MTSS1: variants seen among roughly 807,000 people sequenced by gnomAD.
MTSS1 encodes MTSS I-BAR domain containing 1.
Under a neutral mutation model 79.0 loss-of-function variants are expected in MTSS1, and 18 were observed. The ratio of observed to expected loss-of-function variants is 0.23; its 90% confidence interval spans 0.16 to 0.34. MTSS1 has a LOEUF of 0.34. MTSS1 is among the 10% of genes least tolerant of loss of function. MTSS1 has a pLI of 1.00. For synonymous variants in MTSS1, 341 were observed against 368.6 expected (o/e 0.93, Z 0.86); for missense variants, 815 against 986.2 (o/e 0.83, Z 2.33).
intron 3 of MTSS1, among the ~76,000 whole-genome samples, chr8:124,637,472 A>G (rs1817224565): frequency 6.6e-6 from 1 of 152,206 alleles, no homozygotes; most frequent in South Asian, 2.1e-4. Context: ...GGAAAGGGGA[A>G]GCCAGACCCA....
intron 5 of MTSS1, among the ~76,000 whole-genome samples, chr8:124,586,830 T>C (rs17372817): frequency 0.12 from 17,788 of 151,938 alleles, 1,162 homozygotes; most frequent in South Asian, 0.13. Flanking sequence ...AAGAAGAAAA[T>C]TGAGACGTGC....
intron 6 of MTSS1, chr8:124,580,040 T>C (rs918867020): frequency 1.3e-5 from 2 of 152,488 alleles, no homozygotes; most frequent in Admixed American, 1.3e-4. Context: ...ATACTTTTGA[T>C]TTATTTTTTA....
chr8:124,556,023 G>C (rs1456242716), intron 12 of MTSS1, 119 bp from the exon 13 acceptor site: 1 of 1,544,644 alleles, frequency 6.5e-7, no homozygotes, highest in East Asian at 2.4e-5. Context: ...GACTTGCTTG[G>C]GTCCCACTCT....
chr8:124,664,319 C>G lies in MTSS1; in HGVS notation c.208+35207G>C, dbSNP rs1415300202. Among the ~76,000 whole-genome samples the G allele has an allele frequency of 2.6e-5, 4 of 152,288 alleles. No homozygotes were observed. In the East Asian group the frequency reaches 5.8e-4, roughly 22 times the overall value. On this transcript the variant is annotated intron_variant, in intron 3 of 13. Coordinates refer to ENST00000518547, the MANE Select transcript of MTSS1 (RefSeq NM_014751.6). ...CACAGGCGTGGCTATCTCCTTCCAG[C>G]GAGGCCCGTCTCTAGATAAATGCTC... is the stretch of plus-strand genomic sequence containing the variant.
In MTSS1 at chr8:124,616,196, C is replaced by T. The variant is rs868569158; in HGVS notation, c.209-24961G>A. On this transcript the variant is annotated intron_variant, in intron 3 of 13. Transcript: ENST00000518547. ...ATGTCAGAAGAGGCCTAACATCCTA[C>T]GCTTCAGCATGCAACAGACAAGATT... is the stretch of plus-strand genomic sequence containing the variant. Among the ~76,000 whole-genome samples the T allele has an allele frequency of 2.7e-4, 41 of 152,276 alleles. 1 individual carries two copies. Among genetic ancestry groups the T allele is most frequent in the Admixed American group, 2.6e-4 (4 of 15,300 alleles).
At chr8:124,590,037 A>C (rs1831575502) in intron 4 of MTSS1, among the ~76,000 whole-genome samples, 1 of 152,140 alleles carries the variant, frequency 6.6e-6, no homozygotes, top group African/African-American at 2.4e-5. Flanking sequence ...TTTGTATTTT[A>C]GTAGAGATGG....
chr8:124,565,011 A>G (rs540954084), intron 9 of MTSS1, among the ~76,000 whole-genome samples: 3 of 152,372 alleles, frequency 2.0e-5, no homozygotes, highest in African/African-American at 7.2e-5. Flanking sequence ...TCATGCTTCC[A>G]TCTTTCAAGG....
At chr8:124,667,471 C>A (rs1170029929) in intron 3 of MTSS1, among the ~76,000 whole-genome samples, 1 of 151,622 alleles carries the variant, frequency 6.6e-6, no homozygotes, top group Non-Finnish European at 1.5e-5. Context: ...ATGGATAAAC[C>A]CCATCTCTAC....
chr8:124,666,736 A>T, intron 3 of MTSS1, among the ~76,000 whole-genome samples: 1 of 152,168 alleles, frequency 6.6e-6, no homozygotes, highest in East Asian at 1.9e-4. Flanking sequence ...AGGAGGGGTC[A>T]TCAGCGCAGA....
At chr8:124,716,006 G>T (rs1243473844) in intron 1 of MTSS1, among the ~76,000 whole-genome samples, 1 of 152,232 alleles carries the variant, frequency 6.6e-6, no homozygotes, top group Admixed American at 6.5e-5. Flanking sequence ...CTGCTTTGAT[G>T]ACTCAATGTA....
chr8:124,686,241 T>C (rs1826960054), intron 3 of MTSS1, among the ~76,000 whole-genome samples: 1 of 151,988 alleles, frequency 6.6e-6, no homozygotes, highest in Admixed American at 6.6e-5. Flanking sequence ...CCCTGAGCCC[T>C]CTCTCCATCA....
intron 3 of MTSS1, among the ~76,000 whole-genome samples, chr8:124,689,278 A>G (rs550528226): frequency 6.6e-6 from 1 of 152,296 alleles, no homozygotes; most frequent in East Asian, 1.9e-4. Context: ...GGAGGCATCT[A>G]TGTGGTCTGA....
intron 4 of MTSS1, 48 bp downstream of exon 4, chr8:124,591,103 T>TA (rs757893556): frequency 6.6e-7 from 1 of 1,514,414 alleles, no homozygotes; most frequent in Admixed American, 1.7e-5. Context: ...TTCCTTAACC[T>TA]GAAATCTGCA....
Position 124,551,632 on chromosome 8 carries a change from A to G in MTSS1, c.*1360T>C, listed in dbSNP as rs1371146653. On this transcript the variant is annotated 3_prime_UTR_variant, in exon 14 of 14. Transcript: ENST00000518547. Reference sequence around the variant, plus strand: ...CTAAGGGACTTGCTTGCTTTCTTAAACACTATTGTCTTCAAATGTGATCCC... The same window carrying G: ...CTAAGGGACTTGCTTGCTTTCTTAAGCACTATTGTCTTCAAATGTGATCCC... 2.0e-5 allele frequency: 3 copies of G among 152,552 alleles called. No homozygotes were observed. The East Asian group carries it at 5.8e-4, about 29-fold the overall frequency. The allele number at this position is 152,552 out of a possible 1,614,324, so 9.4% of individuals were successfully genotyped here.
intron 3 of MTSS1, among the ~76,000 whole-genome samples, chr8:124,685,589 G>A (rs1489814025): frequency 1.3e-5 from 2 of 152,068 alleles, no homozygotes; most frequent in African/African-American, 4.8e-5. Flanking sequence ...AAGGGAGAGG[G>A]CATTCCGAGT....
At chr8:124,576,852 T>A (rs979014525) in intron 6 of MTSS1, among the ~76,000 whole-genome samples, 9 of 152,234 alleles carry the variant, frequency 5.9e-5, no homozygotes, top group Non-Finnish European at 1.3e-4. Flanking sequence ...TCAAGCAAGT[T>A]GTCTGTTTCC....
chr8:124,591,920 A>G (rs1831945949), intron 3 of MTSS1, among the ~76,000 whole-genome samples: 1 of 151,866 alleles, frequency 6.6e-6, no homozygotes, highest in African/African-American at 2.4e-5. Context: ...AGCTGGGATT[A>G]CAGGCACGTG....
intron 3 of MTSS1, among the ~76,000 whole-genome samples, chr8:124,656,444 G>T (rs1820952598): frequency 6.6e-6 from 1 of 151,130 alleles, no homozygotes; most frequent in African/African-American, 2.4e-5. Flanking sequence ...GCTACCAAAA[G>T]GACAATGAGC....
At chr8:124,696,448 AT>A (rs35429033) in intron 3 of MTSS1, among the ~76,000 whole-genome samples, 54,644 of 151,930 alleles carry the variant, frequency 0.36, 10,556 homozygotes, top group Non-Finnish European at 0.41. Context: ...CTTTTAGGTT[AT>A]TTGAGAGTTC....
Sources: allele counts gnomAD v4.1 joint callset (sites outside exome capture counted in the v4.1 genomes callset), GRCh38; gene constraint gnomAD v4.1.1; transcripts MANE v1.5; gene names NCBI Gene and HGNC (gene_info 2026-07-23, HGNC 2026-07-21).